The following PKP2 variants were observed in gnomAD, a reference collection of about 807,000 sequenced individuals.
PKP2 encodes plakophilin 2.
In PKP2, 73 loss-of-function variants were observed where a neutral mutation model predicts 83.4. The ratio of observed to expected loss-of-function variants is 0.88; its 90% CI spans 0.72 to 1.06. The LOEUF (loss-of-function observed/expected upper bound fraction) is 1.06, where lower values mean the gene tolerates loss of function less well. PKP2 is among the 50% of genes least tolerant of loss of function. The pLI is 0.00. For synonymous variants in PKP2, 409 were observed against 430.4 expected (o/e 0.95, Z 0.62); for missense variants, 966 against 1,065.4 (o/e 0.91, Z 1.30).
intron 4 of PKP2, among the ~76,000 whole-genome samples, chr12:32,859,192 G>A (rs1384756753): frequency 6.6e-6 from 1 of 152,066 alleles, no homozygotes; most frequent in Non-Finnish European, 1.5e-5. Flanking sequence ...TTATTTCTCT[G>A]AAAATTAATT....
At chr12:32,881,835 T>C (rs1167678159) in intron 1 of PKP2, among the ~76,000 whole-genome samples, 1 of 152,170 alleles carries the variant, frequency 6.6e-6, no homozygotes, top group South Asian at 2.1e-4. Context: ...GGCTCGCGCC[T>C]AGGCTAACCC....
At chr12:32,870,316 C>T (rs1956884942) in intron 3 of PKP2, among the ~76,000 whole-genome samples, 1 of 151,980 alleles carries the variant, frequency 6.6e-6, no homozygotes, top group Admixed American at 6.6e-5. Flanking sequence ...GGGGGCGGTG[C>T]AGGTGGGGTG....
intron 9 of PKP2, among the ~76,000 whole-genome samples, chr12:32,812,013 C>T (rs1956281172): frequency 2.6e-5 from 4 of 151,880 alleles, no homozygotes. Context: ...CTGGCCTGCA[C>T]ATATGCCATT....
At chr12:32,834,426 C>T (rs1257820943) in intron 6 of PKP2, among the ~76,000 whole-genome samples, 2 of 152,118 alleles carry the variant, frequency 1.3e-5, no homozygotes, top group African/African-American at 2.4e-5. Context: ...TCTACAATTG[C>T]GGAAGAGTCT....
chr12:32,865,376 GAA>G lies in PKP2; in HGVS notation c.1170+3549_1170+3550del, dbSNP rs554773045. Among the ~76,000 whole-genome samples the G allele has an allele frequency of 8.5e-3, 721 of 85,306 alleles. 7 individuals carry two copies. Among genetic ancestry groups the G allele is most frequent in the African/African-American group, 0.026 (614 of 23,322 alleles). 56.0% of individuals were successfully genotyped at this position (85,306 alleles called of 152,430 possible). The stretch of plus-strand genomic sequence containing the variant: ...AGTGACAGAGCAAGACTCCATCTCA[GAA>G]AAAAAAAAAAAAAAAAAATCGGCTG... On this transcript the variant is annotated intron_variant, in intron 4 of 12. Coordinates refer to ENST00000340811, the MANE Select transcript of PKP2 (RefSeq NM_001005242.3).
intron 9 of PKP2, chr12:32,820,342 A>G (rs1033701988): frequency 6.6e-6 from 1 of 152,244 alleles, no homozygotes. Context: ...TTTCATGACC[A>G]AGGCAAAGAA....
chr12:32,810,675 A>ATTTTTTTTTT (rs1222143443), intron 9 of PKP2, among the ~76,000 whole-genome samples: 1 of 28,752 alleles, frequency 3.5e-5, no homozygotes, highest in African/African-American at 7.9e-5. Context: ...TAGAATAAAC[A>ATTTTTTTTTT]TTTTTTTTTT....
intron 4 of PKP2, among the ~76,000 whole-genome samples, chr12:32,858,098 T>C (rs1204839846): frequency 2.0e-5 from 2 of 99,190 alleles, no homozygotes; most frequent in African/African-American, 8.6e-5. Context: ...TATATATATA[T>C]ATATATATAT....
intron 9 of PKP2, among the ~76,000 whole-genome samples, chr12:32,814,189 C>A (rs140202063): frequency 6.6e-6 from 1 of 152,188 alleles, no homozygotes; most frequent in Non-Finnish European, 1.5e-5. Flanking sequence ...TATCACCCCC[C>A]ACAGCATTTT....
At chr12:32,866,494 T>G (rs900878545) in intron 4 of PKP2, among the ~76,000 whole-genome samples, 1 of 125,472 alleles carries the variant, frequency 8.0e-6, no homozygotes, top group Non-Finnish European at 1.5e-5. Context: ...GAGGTTGCAA[T>G]GAGCCAAAAT....
At chr12:32,823,115 T>A (rs527971854) in intron 7 of PKP2, among the ~76,000 whole-genome samples, 1 of 152,198 alleles carries the variant, frequency 6.6e-6, no homozygotes, top group South Asian at 2.1e-4. Flanking sequence ...ATGGTGATGA[T>A]TATTAAGAAG....
chr12:32,826,020 G>C (rs1486607522), intron 6 of PKP2, among the ~76,000 whole-genome samples: 2 of 152,052 alleles, frequency 1.3e-5, no homozygotes, highest in African/African-American at 4.8e-5. Context: ...AAGAACTAAA[G>C]GTGGCTGGGT....
chr12:32,848,282 G>A (rs1484441527), intron 5 of PKP2, among the ~76,000 whole-genome samples: 1 of 152,102 alleles, frequency 6.6e-6, no homozygotes, highest in Non-Finnish European at 1.5e-5. Context: ...AAATTAGCTG[G>A]GCGTGGTGGT....
At chr12:32,890,074 C>CAAAAAAAAA (rs55957473) in intron 1 of PKP2, among the ~76,000 whole-genome samples, 12 of 63,970 alleles carry the variant, frequency 1.9e-4, no homozygotes, top group African/African-American at 4.3e-4. Context: ...GACTCCATCT[C>CAAAAAAAAA]AAAAAAAAAA....
intron 12 of PKP2, 70 bp from the exon 13 acceptor site, chr12:32,792,562 G>A (rs1400031630): frequency 1.2e-5 from 19 of 1,546,798 alleles, no homozygotes; most frequent in Admixed American, 3.3e-5. Context: ...GTTTTTTAGC[G>A]ATTTCTTCCC....
At chr12:32,883,112 G>A (rs1002826530) in intron 1 of PKP2, among the ~76,000 whole-genome samples, 2 of 152,080 alleles carry the variant, frequency 1.3e-5, no homozygotes, top group Admixed American at 1.3e-4. Context: ...TTAATGGTTC[G>A]CCAAATAACT....
In PKP2 at chr12:32,877,956, G is replaced by A. The variant is rs1956947855; in HGVS notation, c.924C>T (p.Val308=). The A allele has an allele frequency of 1.2e-6, 2 of 1,614,162 alleles. No homozygotes were observed. The highest frequency in any genetic ancestry group is 8.5e-7 in the Non-Finnish European group (1 of 1,180,024). Residue 308 remains valine, a synonymous_variant, in exon 3 of 13, where the codon GTC becomes GTT. Transcript: ENST00000340811. ...CTCTCCTCCCGCTGGAATCCACGGCGACACTGGGCCCAGCTTCCCTCAGCG... is the reference window on the plus strand; with the variant it reads ...CTCTCCTCCCGCTGGAATCCACGGCAACACTGGGCCCAGCTTCCCTCAGCG... The part of the protein sequence containing the change: ...TRTLREAGPS[V]AVDSSGRRAH...
At chr12:32,799,006 C>T (rs1047367977) in intron 10 of PKP2, among the ~76,000 whole-genome samples, 1 of 152,152 alleles carries the variant, frequency 6.6e-6, no homozygotes, top group Non-Finnish European at 1.5e-5. Context: ...AAAATATTCA[C>T]AAACTGCATT....
intron 5 of PKP2, 42 bp downstream of exon 5, chr12:32,850,724 G>T: frequency 1.4e-6 from 2 of 1,454,608 alleles, no homozygotes; most frequent in Non-Finnish European, 1.9e-6. Context: ...ATCTGGCTGG[G>T]GTGCAAATGT....
Sources: gnomAD v4.1 joint callset for allele counts (sites outside exome capture counted in the v4.1 genomes callset) on GRCh38, gnomAD v4.1.1 for gene constraint, MANE v1.5 for transcripts, NCBI Gene and HGNC (gene_info 2026-07-23, HGNC 2026-07-21) for gene names.